Variants in STK33 observed in about 807,000 individuals in gnomAD.
STK33 encodes the protein serine/threonine kinase 33.
STK33 carries 52 observed loss-of-function variants against 58.0 expected under a neutral mutation model. The ratio of observed to expected loss-of-function variants is 0.90; its 90% CI spans 0.72 to 1.13. The LOEUF (loss-of-function observed/expected upper bound fraction) is 1.13. STK33 is among the 50% of genes most tolerant of loss of function. The pLI is 0.00. For missense variants in STK33, 630 were observed against 604.2 expected, an observed-to-expected ratio of 1.04 and a Z score of -0.45; for synonymous variants, 215 against 200.1, an observed-to-expected ratio of 1.07 and a Z score of -0.63.
chr11:8,582,978 T>C (rs569690115), intron 1 of STK33, among the ~76,000 whole-genome samples: 1 of 152,354 alleles, frequency 6.6e-6, no homozygotes, highest in East Asian at 1.9e-4. Flanking sequence ...GATACTGACA[T>C]GGACATTGTT....
At chr11:8,556,032 G>A (rs1288263832) in intron 1 of STK33, among the ~76,000 whole-genome samples, 1 of 152,152 alleles carries the variant, frequency 6.6e-6, no homozygotes, top group Non-Finnish European at 1.5e-5. Flanking sequence ...TGAACAGATT[G>A]TAAGGCAAGA....
At chr11:8,393,669 A>G (rs1456354870) in intron 15 of STK33, among the ~76,000 whole-genome samples, 1 of 152,240 alleles carries the variant, frequency 6.6e-6, no homozygotes, top group East Asian at 1.9e-4. Context: ...AAGTCACAGC[A>G]CACTTGGGTT....
chr11:8,410,381 C>CTA (rs1355819887), intron 15 of STK33, among the ~76,000 whole-genome samples: 1 of 151,972 alleles, frequency 6.6e-6, no homozygotes, highest in Non-Finnish European at 1.5e-5. Context: ...CATGTACTAT[C>CTA]TCCTACAATA....
intron 11 of STK33, among the ~76,000 whole-genome samples, chr11:8,445,253 T>C (rs1167009615): frequency 6.6e-6 from 1 of 152,242 alleles, no homozygotes. Flanking sequence ...TTGCTGAAGT[T>C]GTTTTTCAGC....
At chr11:8,363,114 C>A in the STK33 span, among the ~76,000 whole-genome samples, 1 of 151,896 alleles carries the variant, frequency 6.6e-6, no homozygotes, top group African/African-American at 2.4e-5. Flanking sequence ...TGAAGATTAG[C>A]GCTGAGAAGT....
chr11:8,575,474 C>A (rs1486066986), intron 1 of STK33, among the ~76,000 whole-genome samples: 2 of 152,130 alleles, frequency 1.3e-5, no homozygotes, highest in East Asian at 3.9e-4. Context: ...AAACACTATG[C>A]TCAATGAAAT....
chr11:8,339,503 C>T, the STK33 span, among the ~76,000 whole-genome samples: 1 of 152,228 alleles, frequency 6.6e-6, no homozygotes, highest in South Asian at 2.1e-4. Flanking sequence ...ATAAATTGTT[C>T]CTGACCCGTG....
At chr11:8,453,427 A>G (rs1946514643) in intron 10 of STK33, among the ~76,000 whole-genome samples, 2 of 152,122 alleles carry the variant, frequency 1.3e-5, no homozygotes, top group African/African-American at 2.4e-5. Context: ...TTTCTTTACT[A>G]TTGTTTCCTT....
intron 1 of STK33, among the ~76,000 whole-genome samples, chr11:8,565,104 C>T (rs1007868975): frequency 6.6e-6 from 1 of 151,888 alleles, no homozygotes; most frequent in Admixed American, 6.6e-5. Context: ...TATGAGAAAC[C>T]AAGCCAACAG....
At chr11:8,590,706 A>C (rs991463078) in intron 1 of STK33, among the ~76,000 whole-genome samples, 24 of 152,198 alleles carry the variant, frequency 1.6e-4, no homozygotes, top group African/African-American at 5.8e-4. Context: ...TATTTTAGTT[A>C]ATAAACTAAG....
intron 1 of STK33, among the ~76,000 whole-genome samples, chr11:8,573,723 T>A (rs182245223): frequency 1.3e-5 from 2 of 152,250 alleles, no homozygotes; most frequent in African/African-American, 2.4e-5. Context: ...CTGTAGCACA[T>A]CCATACTAAG....
intron 11 of STK33, among the ~76,000 whole-genome samples, chr11:8,446,002 T>C (rs967956484): frequency 1.3e-5 from 2 of 152,160 alleles, no homozygotes; most frequent in Non-Finnish European, 2.9e-5. Flanking sequence ...TGAATCGGTC[T>C]GGTCCTGGGC....
intron 14 of STK33, among the ~76,000 whole-genome samples, chr11:8,432,135 T>C (rs916858622): frequency 3.3e-5 from 5 of 152,354 alleles, no homozygotes; most frequent in African/African-American, 1.2e-4. Context: ...GGAATTAATG[T>C]TTGAATATCA....
Position 8,464,739 on chromosome 11 carries a change from C to G in STK33, c.423G>C (p.Lys141Asn). The G allele has an allele frequency of 1.9e-6, 3 of 1,613,516 alleles. No homozygotes were observed. Among genetic ancestry groups the G allele is most frequent in the Non-Finnish European group, 1.7e-6 (2 of 1,179,694 alleles). Residue 141 changes from lysine to asparagine, a missense_variant, in exon 7 of 16, where the codon AAG becomes AAC. Coordinates refer to ENST00000687296, the MANE Select transcript of STK33 (RefSeq NM_001352389.2). ...IEATDKETET[K>N]WAIKKVNKEK... ...CTTTGTTCACTTTTTTAATTGCCCA[C>G]TTCGTTTCTGTTTCCTTGTCTGTCG...
intron 14 of STK33, among the ~76,000 whole-genome samples, chr11:8,431,144 C>T (rs1027809820): frequency 6.6e-6 from 1 of 152,192 alleles, no homozygotes. Context: ...GGATTACAAG[C>T]GTGACCCACC....
intron 1 of STK33, among the ~76,000 whole-genome samples, chr11:8,548,099 C>T (rs1184555549): frequency 6.6e-5 from 10 of 150,884 alleles, no homozygotes; most frequent in Admixed American, 3.3e-4. Context: ...CAACATGGCA[C>T]GTGTATACAT....
chr11:8,573,137 A>T (rs1957938477), intron 1 of STK33, among the ~76,000 whole-genome samples: 1 of 152,048 alleles, frequency 6.6e-6, no homozygotes, highest in Admixed American at 6.5e-5. Context: ...TCTGCAAAAG[A>T]TCCTGTTAAT....
chr11:8,379,611 G>C, the STK33 span, among the ~76,000 whole-genome samples: 1 of 152,156 alleles, frequency 6.6e-6, no homozygotes, highest in African/African-American at 2.4e-5. Flanking sequence ...TACTCTTGAA[G>C]AATGCCCTTT....
chr11:8,563,364 A>G (rs1230514666), intron 1 of STK33, among the ~76,000 whole-genome samples: 4 of 152,166 alleles, frequency 2.6e-5, no homozygotes, highest in African/African-American at 9.7e-5. Flanking sequence ...CCCAAGCTCA[A>G]TCCAGCCCAG....
Sources: gnomAD v4.1 joint callset for allele counts (sites outside exome capture counted in the v4.1 genomes callset) on GRCh38, gnomAD v4.1.1 for gene constraint, MANE v1.5 for transcripts, NCBI Gene and HGNC (gene_info 2026-07-23, HGNC 2026-07-21) for gene names.